Variants in DMD observed in about 807,000 individuals in gnomAD.
The protein encoded by DMD is mutant dystrophin.
Under a neutral mutation model 330.1 loss-of-function variants are expected in DMD, and 63 were observed. The ratio of observed to expected loss-of-function variants is 0.19; its 90% CI spans 0.16 to 0.24. The LOEUF is 0.24. Among genes scored for constraint, DMD ranks in the 10% least tolerant of loss-of-function variants. The probability of loss-of-function intolerance (pLI) is 1.00; values close to 1 mark genes in which losing one functional copy is unlikely to be tolerated. For missense variants in DMD, 3,344 were observed against 2,684.1 expected (o/e 1.25, Z -5.43); for synonymous variants, 1,223 against 959.8 (o/e 1.27, Z -5.07).
intron 49 of DMD, among the ~76,000 whole-genome samples, chrX:31,821,922 A>C (rs779328792): frequency 8.9e-6 from 1 of 112,314 alleles, no homozygotes; most frequent in East Asian, 2.8e-4. Flanking sequence ...AATGAACCCA[A>C]CCTAACTGGA....
At chrX:33,300,317 CT>C (rs1361927353) in intron 1 of DMD, among the ~76,000 whole-genome samples, 4 of 112,496 alleles carry the variant, frequency 3.6e-5, no homozygotes, top group African/African-American at 1.3e-4. Flanking sequence ...GGCCAGAATT[CT>C]TTGTTTTTAA....
At chrX:31,790,032 T>C (rs968934337) in intron 50 of DMD, among the ~76,000 whole-genome samples, 1 of 112,084 alleles carries the variant, frequency 8.9e-6, no homozygotes, top group Admixed American at 9.5e-5. Flanking sequence ...ACTAAAGCTC[T>C]GTTTCCTACT....
At chrX:32,530,678 C>A (rs1333017740) in intron 17 of DMD, among the ~76,000 whole-genome samples, 1 of 111,781 alleles carries the variant, frequency 8.9e-6, no homozygotes, top group Non-Finnish European at 1.9e-5. Flanking sequence ...AACACGTGGG[C>A]AAAAACTGCA....
chrX:33,088,791 CTG>C (rs1259283707), intron 1 of DMD, among the ~76,000 whole-genome samples: 5 of 111,843 alleles, frequency 4.5e-5, no homozygotes, highest in East Asian at 2.8e-4. Flanking sequence ...TGGAAATTAA[CTG>C]TTTAATTTTC....
At chrX:33,090,219 G>C (rs1201778588) in intron 1 of DMD, among the ~76,000 whole-genome samples, 1 of 109,772 alleles carries the variant, frequency 9.1e-6, no homozygotes, top group Non-Finnish European at 1.9e-5. Flanking sequence ...TAATAATTTA[G>C]TTAACACCAT....
In DMD at chrX:31,805,076, T is replaced by C. The variant is rs192069227; in HGVS notation, c.7309+14899A>G. Among the ~76,000 whole-genome samples the C allele has an allele frequency of 9.1e-3, 1,016 of 111,537 alleles. 7 individuals carry two copies. The highest frequency in any genetic ancestry group is 0.032 in the African/African-American group (984 of 30,659). On this transcript the variant is annotated intron_variant, in intron 50 of 78. Coordinates refer to ENST00000357033, the MANE Select transcript of DMD (RefSeq NM_004006.3). ...ACACAGTAATCCTTAATAAATTATT[T>C]GTCAGATTAGTATATTGATAAATTA...
rs2079427622 is a variant in DMD, at chrX:32,834,416, G to A, written c.264+10367C>T. 2.7e-5 allele frequency among the ~76,000 whole-genome samples: 3 copies of A among 111,316 alleles called. No individual in the cohort carries two copies. In the Admixed American group the frequency reaches 2.9e-4, roughly 11 times the overall value. ...TATTTAAGTTTCTGAATACTTAAAG[G>A]ACACATAAAATACTAGTTTTAAAGA... On this transcript the variant is annotated intron_variant, in intron 4 of 78. Coordinates refer to ENST00000357033, the MANE Select transcript of DMD (RefSeq NM_004006.3).
intron 1 of DMD, among the ~76,000 whole-genome samples, chrX:33,198,150 T>C (rs1042257474): frequency 9.0e-6 from 1 of 111,318 alleles, no homozygotes; most frequent in African/African-American, 3.3e-5. Context: ...CTCATTGTAG[T>C]GTTAATTTGC....
chrX:32,593,534 G>A (rs1423265176), intron 13 of DMD, among the ~76,000 whole-genome samples: 2 of 111,620 alleles, frequency 1.8e-5, no homozygotes, highest in Non-Finnish European at 3.8e-5. Context: ...GGGAGACTGA[G>A]ATATAGTCAC....
chrX:31,185,774 GTT>G (rs58100460), intron 67 of DMD, among the ~76,000 whole-genome samples: 2 of 100,093 alleles, frequency 2.0e-5, no homozygotes, highest in African/African-American at 3.6e-5. Context: ...TATGTTTTTT[GTT>G]TTTTTTTTTT....
intron 55 of DMD, among the ~76,000 whole-genome samples, chrX:31,522,709 T>C (rs1205621732): frequency 9.1e-6 from 1 of 110,332 alleles, no homozygotes; most frequent in East Asian, 2.9e-4. Flanking sequence ...GGGGTGATAA[T>C]GCTACCTATT....
At chrX:32,815,516 T>TACACACACACACACACACAC (rs1231062329) in intron 6 of DMD, among the ~76,000 whole-genome samples, 1 of 47,333 alleles carries the variant, frequency 2.1e-5, no homozygotes, top group African/African-American at 7.5e-5. Context: ...TATATATATA[T>TACACACACACACACACACAC]ATATACACAC....
chrX:32,423,864 C>G (rs1037109341), intron 29 of DMD, among the ~76,000 whole-genome samples: 2 of 110,408 alleles, frequency 1.8e-5, no homozygotes, highest in African/African-American at 6.6e-5. Flanking sequence ...AAACAAGAAT[C>G]AAGGTAACTC....
chrX:32,738,996 A>G (rs2068883720), intron 7 of DMD, among the ~76,000 whole-genome samples: 1 of 112,132 alleles, frequency 8.9e-6, no homozygotes, highest in African/African-American at 3.2e-5. Context: ...CTTCAGGCAT[A>G]GAGAATAACT....
chrX:31,867,567 G>A (rs968011360), intron 48 of DMD, among the ~76,000 whole-genome samples: 1 of 110,905 alleles, frequency 9.0e-6, no homozygotes, highest in Non-Finnish European at 1.9e-5. Context: ...CAAAGGATTT[G>A]TTCCTGCACC....
At chrX:32,175,372 A>G (rs2096902585) in intron 44 of DMD, among the ~76,000 whole-genome samples, 2 of 110,406 alleles carry the variant, frequency 1.8e-5, no homozygotes, top group East Asian at 5.7e-4. Context: ...AAAAAAGGGC[A>G]CTCTGATAGG....
intron 63 of DMD, among the ~76,000 whole-genome samples, chrX:31,225,831 C>T (rs1336224185): frequency 1.8e-5 from 2 of 111,709 alleles, no homozygotes; most frequent in Non-Finnish European, 3.8e-5. Context: ...GACTGTGAGC[C>T]TCTCACACCA....
chrX:33,079,749 G>A (rs111639847), intron 1 of DMD, among the ~76,000 whole-genome samples: 3,280 of 111,399 alleles, frequency 0.029, 122 homozygotes, highest in African/African-American at 0.1. Context: ...TCACAAAATA[G>A]AATCCCAGGT....
At chrX:32,599,619 T>G (rs1184124879) in intron 12 of DMD, among the ~76,000 whole-genome samples, 1 of 108,466 alleles carries the variant, frequency 9.2e-6, no homozygotes, top group East Asian at 2.8e-4. Context: ...CCTAGAGAAG[T>G]ACACAAAAAT....
Sources: gnomAD v4.1 joint callset for allele counts (sites outside exome capture counted in the v4.1 genomes callset) on GRCh38, gnomAD v4.1.1 for gene constraint, MANE v1.5 for transcripts, NCBI Gene and HGNC (gene_info 2026-07-23, HGNC 2026-07-21) for gene names.